Variants in ZNF335 observed in about 807,000 individuals in gnomAD.
The protein encoded by ZNF335 is zinc finger protein 335, also known as NRC-interacting factor 1.
Under a neutral mutation model 145.6 loss-of-function variants are expected in ZNF335, and 84 were observed. The ratio of observed to expected loss-of-function variants is 0.58; its 90% CI spans 0.48 to 0.69. ZNF335 has a LOEUF of 0.69. Ranked by LOEUF, ZNF335 falls within the 30% of genes least tolerant of loss-of-function variation. ZNF335 has a pLI of 0.00. For missense variants in ZNF335, 1,865 were observed against 1,809.7 expected, an observed-to-expected ratio of 1.03 and a Z score of -0.55; for synonymous variants, 761 against 717.0, an observed-to-expected ratio of 1.06 and a Z score of -0.98.
Position 45,953,766 on chromosome 20 carries a change from T to A in ZNF335, c.2625A>T (p.Pro875=). 6.2e-7 allele frequency: 1 copy of A among 1,614,066 alleles called. No homozygotes were observed. The highest frequency in any genetic ancestry group is 8.5e-7 in the Non-Finnish European group (1 of 1,180,020). Residue 875 remains proline, a synonymous_variant, in exon 18 of 28, where the codon CCA becomes CCT. Coordinates refer to ENST00000322927, the MANE Select transcript of ZNF335 (RefSeq NM_022095.4). ...DLPQITLAPG[P]FGGTGYSVIT... is the part of the protein sequence containing the mutation. ...TGACACTGTAGCCAGTCCCACCAAATGGACCAGGTGCCAGGGTGATCTGCG... is the reference window on the plus strand; with the variant it reads ...TGACACTGTAGCCAGTCCCACCAAAAGGACCAGGTGCCAGGGTGATCTGCG...
intron 9 of ZNF335, 86 bp downstream of exon 9, chr20:45,963,387 A>T (rs2083887303): frequency 1.4e-5 from 20 of 1,458,270 alleles, no homozygotes; most frequent in Non-Finnish European, 1.9e-5. Flanking sequence ...ATGCTCTGTG[A>T]CTCCATTCTC....
chr20:45,962,024 C>CCCAACAGGGCG, intron 10 of ZNF335, 46 bp downstream of exon 10: 1 of 1,129,674 alleles, frequency 8.9e-7, no homozygotes, highest in Non-Finnish European at 1.3e-6. Context: ...ACTTCCCCAC[C>CCCAACAGGGCG]CAACCTGGCC....
chr20:45,951,143 C>T (rs544750838), intron 20 of ZNF335, among the ~76,000 whole-genome samples: 4 of 152,350 alleles, frequency 2.6e-5, no homozygotes, highest in African/African-American at 9.6e-5. Context: ...CCGCCTGCCT[C>T]GGCCTCCCAA....
At chr20:45,957,130 G>A (rs555026527) in intron 17 of ZNF335, among the ~76,000 whole-genome samples, 8 of 152,312 alleles carry the variant, frequency 5.3e-5, no homozygotes, top group Middle Eastern at 3.4e-3. Flanking sequence ...GGAGGTGCAT[G>A]AACCAAGACC....
chr20:45,951,203 T>A (rs527951983), intron 20 of ZNF335, among the ~76,000 whole-genome samples: 1 of 152,362 alleles, frequency 6.6e-6, no homozygotes, highest in South Asian at 2.1e-4. Flanking sequence ...TGGCCCTGAT[T>A]TTCTAGGGCT....
At chr20:45,963,382 C>G (rs761882461) in intron 9 of ZNF335, 91 bp downstream of exon 9, 145 of 1,425,704 alleles carry the variant, frequency 1.0e-4, no homozygotes, top group Non-Finnish European at 1.2e-4. Flanking sequence ...CCAGAATGCT[C>G]TGTGACTCCA....
At chr20:45,966,142 T>C (rs936170874) in intron 6 of ZNF335, among the ~76,000 whole-genome samples, 1 of 152,146 alleles carries the variant, frequency 6.6e-6, no homozygotes, top group African/African-American at 2.4e-5. Context: ...CATATGTAGC[T>C]ATTGAGCCCT....
chr20:45,956,898 A>G (rs2083738364), intron 17 of ZNF335, among the ~76,000 whole-genome samples: 1 of 152,244 alleles, frequency 6.6e-6, no homozygotes. Context: ...AAACTATAAA[A>G]GACTGATAAA....
rs2083610629 is a variant in ZNF335 at position 45,950,474 on chromosome 20, G to A, written c.3311C>T (p.Ala1104Val). 8 of 1,614,132 alleles carry A rather than the reference G, an allele frequency of 5.0e-6. No homozygotes were observed. Among genetic ancestry groups the A allele is most frequent in the Non-Finnish European group, 6.8e-6 (8 of 1,180,064 alleles). ...MLTHTKEKPF[A>V]CHLCGQRFNR... ...TCACCGCTGCCCGCAGAGGTGGCAT[G>A]CAAAAGGCTTCTCCTTTGTGTGAGT... The change falls in exon 21 of 28, where the codon GCA becomes GTA. Residue 1104 changes from alanine (A) to valine (V), a missense_variant. By Grantham distance (64) the Ala-to-Val change is moderately conservative (BLOSUM62 0). Transcript: ENST00000322927.
At chr20:45,961,881 C>G (rs1422955141) in intron 10 of ZNF335, 189 bp downstream of exon 10, 1 of 545,720 alleles carries the variant, frequency 1.8e-6, no homozygotes, top group Non-Finnish European at 3.3e-6. Flanking sequence ...ACCTCAAGGC[C>G]TGGTACTGTC....
chr20:45,962,926 G>A (rs953144673), intron 9 of ZNF335, among the ~76,000 whole-genome samples: 2 of 149,926 alleles, frequency 1.3e-5, no homozygotes, highest in Admixed American at 1.3e-4. Context: ...CGATTCTCCT[G>A]CCTCAGCATC....
chr20:45,948,789 G>T lies in ZNF335; in HGVS notation c.*164C>A. On this transcript the variant is annotated 3_prime_UTR_variant, in exon 28 of 28. Transcript: ENST00000322927. ...CAGCATGTCCTGGCTGGGGCCCATG[G>T]CTGCCCCTAACCCCAACAGCACAGG... 3 of 1,130,350 alleles carry T rather than the reference G, an allele frequency of 2.7e-6. No homozygotes were observed. Among genetic ancestry groups the T allele is most frequent in the Admixed American group, 2.2e-5 (1 of 45,866 alleles). 70.0% of individuals were successfully genotyped at this position (1,130,350 alleles called of 1,614,324 possible). A position where few individuals can be genotyped will look rare whatever the true frequency, so the allele number is the denominator to read the frequency against.
chr20:45,967,964 G>C lies in ZNF335; in HGVS notation c.584C>G (p.Ala195Gly). ...TGTGGATGTGGGGCCATCTGCCAGG[G>C]CCTCAATGGCTGCTAGGCTGTGGGC... ...TLAHSLAAIE[A>G]LADGPTSTST... Residue 195 changes from alanine to glycine, a missense_variant, in exon 5 of 28, where the codon GCC (alanine) becomes GGC (glycine). Transcript: ENST00000322927. 1.2e-6 allele frequency: 2 copies of C among 1,612,880 alleles called. No individual in the cohort carries two copies. Among genetic ancestry groups the C allele is most frequent in the Non-Finnish European group, 1.7e-6 (2 of 1,180,046 alleles).
rs754371866 is a variant in ZNF335, at chr20:45,963,594, C to T, written c.1412G>A (p.Gly471Asp). 18 of 1,614,244 alleles carry T rather than the reference C, an allele frequency of 1.1e-5. No homozygotes were observed. The highest frequency in any genetic ancestry group is 1.4e-5 in the Non-Finnish European group (17 of 1,180,044). The change falls in exon 9 of 28, where the codon GGT becomes GAT. Residue 471 changes from glycine to aspartate, a missense_variant. Transcript: ENST00000322927. ...LLRPFLCRIC[G>D]SRFLSHEDLR... ...GTCCTCGTGGGACAGAAAGCGAGAA[C>T]CACAGATGCGGCACAGGAAGGGCCT...
rs11905235 is a variant in ZNF335 at position 45,952,149 on chromosome 20, G to A, written c.3187C>T (p.Arg1063Trp). ...ACACAGGAGCAACCAGCACCTACCC[G>A]GACCTCGGGCCACTGGCGGGCACTG... ...PFSARQWPEVRAHMAQHSSLR... is the reference protein window; with the variant it reads ...PFSARQWPEVWAHMAQHSSLR... Residue 1063 changes from arginine (R) to tryptophan (W), a missense_variant and splice_region_variant, in exon 20 of 28, where the codon CGG becomes TGG. By Grantham distance (101) the Arg-to-Trp change is moderately radical. Transcript: ENST00000322927. 12 of 1,596,012 alleles carry A rather than the reference G, an allele frequency of 7.5e-6. No homozygotes were observed. The highest frequency in any genetic ancestry group is 2.2e-5 in the East Asian group (1 of 44,546).
intron 3 of ZNF335, chr20:45,968,650 TCCTTC>T (rs2084004484): frequency 2.5e-6 from 1 of 396,242 alleles, no homozygotes; most frequent in South Asian, 5.3e-5. Flanking sequence ...TGGGAAGTCC[TCCTTC>T]CTCTCCAAAC....
At position 45,967,973 on chromosome 20, in the gene ZNF335, G is replaced by T. The variant is rs375243888; in HGVS notation, c.575C>A (p.Ala192Asp). 1 of 1,612,822 alleles carries T rather than the reference G, an allele frequency of 6.2e-7. No homozygotes were observed. Among genetic ancestry groups the T allele is most frequent in the Non-Finnish European group, 8.5e-7 (1 of 1,180,036 alleles). The change falls in exon 5 of 28, where the codon GCC becomes GAC. Residue 192 changes from alanine (A) to aspartate (D), a missense_variant. By Grantham distance (126) the Ala-to-Asp change is moderately radical. Transcript: ENST00000322927. ...GGGGCCATCTGCCAGGGCCTCAATG[G>T]CTGCTAGGCTGTGGGCCAAGGTGGA... ...SSSTLAHSLAAIEALADGPTS... is the reference protein window; with the variant it reads ...SSSTLAHSLADIEALADGPTS...
chr20:45,966,511 C>T (rs1018851680), intron 6 of ZNF335, among the ~76,000 whole-genome samples: 3 of 151,392 alleles, frequency 2.0e-5, no homozygotes, highest in African/African-American at 7.3e-5. Flanking sequence ...AGTTTGAGAC[C>T]AGCCTGGGCA....
At chr20:45,949,128 G>A (rs1214029133) in intron 27 of ZNF335, 42 bp downstream of exon 27, 21 of 1,613,348 alleles carry the variant, frequency 1.3e-5, no homozygotes, top group African/African-American at 2.7e-5. Flanking sequence ...CAAGAGCTGG[G>A]TCCATACCCA....
Sources: gnomAD v4.1 joint callset for allele counts (sites outside exome capture counted in the v4.1 genomes callset) on GRCh38, gnomAD v4.1.1 for gene constraint, MANE v1.5 for transcripts, NCBI Gene and HGNC (gene_info 2026-07-23, HGNC 2026-07-21) for gene names.